JTB: variants seen among roughly 807,000 people sequenced by gnomAD.
JTB encodes the protein protein JTB.
Under a neutral mutation model 22.1 loss-of-function variants are expected in JTB, and 10 were observed. The ratio of observed to expected loss-of-function variants is 0.45; its 90% CI spans 0.28 to 0.77. The LOEUF (loss-of-function observed/expected upper bound fraction) is 0.77, where lower values mean the gene tolerates loss of function less well. Among genes scored for constraint, JTB ranks in the 30% least tolerant of loss-of-function variants. JTB has a pLI of 0.13. For missense variants in JTB, 137 were observed against 180.3 expected, an observed-to-expected ratio of 0.76 and a Z score of 1.38; for synonymous variants, 83 against 66.8, an observed-to-expected ratio of 1.24 and a Z score of -1.18.
Position 153,977,491 on chromosome 1 carries a change from C to T in JTB, c.-239G>A, listed in dbSNP as rs1648838990. On this transcript the variant is annotated 5_prime_UTR_variant, in exon 1 of 5. Coordinates refer to ENST00000271843, the MANE Select transcript of JTB (RefSeq NM_006694.4). ...AGGCGAGCGCCTTCTGCGGGGTCCG[C>T]AGGGCGCTGGAGGAAGGGCCGGCGG... is the stretch of plus-strand genomic sequence containing the variant. The T allele has an allele frequency of 1.6e-6, 2 of 1,249,638 alleles. No homozygotes were observed. The highest frequency in any genetic ancestry group is 4.1e-5 in the Admixed American group (1 of 24,580). The allele number at this position is 1,249,638 out of a possible 1,614,324, so 77.4% of individuals were successfully genotyped here.
chr1:153,976,226 G>A (rs1371042466), intron 3 of JTB, among the ~76,000 whole-genome samples: 2 of 152,344 alleles, frequency 1.3e-5, no homozygotes, highest in South Asian at 2.1e-4. Context: ...CACTTTGGGA[G>A]GCCGAGGCGG....
chr1:153,976,003 T>G, intron 3 of JTB, 98 bp from the exon 4 acceptor site: 1 of 795,244 alleles, frequency 1.3e-6, no homozygotes, highest in East Asian at 2.4e-5. Context: ...ACTGCTATGG[T>G]TTGGAGTGGT....
Position 153,974,929 on chromosome 1 carries a change from A to G in JTB, c.285-94T>C. The G allele has an allele frequency of 2.5e-6, 3 of 1,200,314 alleles. 1 individual carries two copies. The South Asian group carries it at 4.3e-5, about 17-fold the overall frequency. 74.4% of individuals were successfully genotyped at this position (1,200,314 alleles called of 1,614,324 possible). ...CTTCAGCCTAGCCAGGATACACTCAAGAGGAAATCAGAGCCAGGCTTCTAT... is the reference window on the plus strand; with the variant it reads ...CTTCAGCCTAGCCAGGATACACTCAGGAGGAAATCAGAGCCAGGCTTCTAT... On this transcript the variant is annotated intron_variant, in intron 4 of 4. Transcript: ENST00000271843.
chr1:153,974,629 ACTGT>A lies in JTB; in HGVS notation c.*46_*49del, dbSNP rs61195558. 6,302 of 1,523,798 alleles carry A rather than the reference ACTGT, an allele frequency of 4.1e-3. 247 individuals carry two copies. In the African/African-American group the frequency reaches 0.077, roughly 19 times the overall value. The allele number at this position is 1,523,798 out of a possible 1,614,324, so 94.4% of individuals were successfully genotyped here. A position where few individuals can be genotyped will look rare whatever the true frequency, so the allele number is the denominator to read the frequency against. ...GTGCAAATCAGTCCATTTCACTTTC[ACTGT>A]CTGAGATAGGGTCTCTAAGACCCAG... On this transcript the variant is annotated 3_prime_UTR_variant, in exon 5 of 5. Coordinates refer to ENST00000271843, the MANE Select transcript of JTB (RefSeq NM_006694.4).
In JTB at chr1:153,974,380, A is replaced by G. The variant is rs1648704649; in HGVS notation, c.*299T>C. On this transcript the variant is annotated 3_prime_UTR_variant, in exon 5 of 5. Transcript: ENST00000271843. ...TGAAATTGTATCCCAGAAGTTTGAA[A>G]TAAGTAGTAGAAGAGGGGGAAAACA... is the stretch of plus-strand genomic sequence containing the variant. 2.4e-6 allele frequency: 1 copy of G among 416,908 alleles called. No individual in the cohort carries two copies. Among genetic ancestry groups the G allele is most frequent in the Non-Finnish European group, 4.3e-6 (1 of 232,926 alleles). The allele number at this position is 416,908 out of a possible 1,614,324, so 25.8% of individuals were successfully genotyped here. A position where few individuals can be genotyped will look rare whatever the true frequency, so the allele number is the denominator to read the frequency against.
intron 4 of JTB, 62 bp downstream of exon 4, chr1:153,975,764 A>C: frequency 1.5e-6 from 2 of 1,312,652 alleles, no homozygotes; most frequent in East Asian, 4.6e-5. Context: ...AAAAGGTGGG[A>C]CCATCCATCT....
At chr1:153,977,054 G>C (rs766073991) in intron 1 of JTB, 41 bp from the exon 2 acceptor site, 2 of 1,614,028 alleles carry the variant, frequency 1.2e-6, no homozygotes, top group East Asian at 4.5e-5. Flanking sequence ...TCAAAACCCA[G>C]AAAATAGGGC....
chr1:153,975,148 G>A (rs1648741469), intron 4 of JTB, among the ~76,000 whole-genome samples: 1 of 152,184 alleles, frequency 6.6e-6, no homozygotes, highest in African/African-American at 2.4e-5. Flanking sequence ...TTGAGATGGT[G>A]TCTCGCTCTG....
intron 2 of JTB, 77 bp downstream of exon 2, chr1:153,976,899 T>G (rs1648809800): frequency 6.2e-7 from 1 of 1,607,496 alleles, no homozygotes. Flanking sequence ...TTTCCACCTG[T>G]GCTCTTGGTA....
chr1:153,977,392 A>G lies in JTB; in HGVS notation c.-140T>C, dbSNP rs935284725. 5.5e-6 allele frequency: 8 copies of G among 1,443,546 alleles called. No individual in the cohort carries two copies. Among genetic ancestry groups the G allele is most frequent in the South Asian group, 2.9e-5 (2 of 68,038 alleles). The allele number at this position is 1,443,546 out of a possible 1,614,324, so 89.4% of individuals were successfully genotyped here. The stretch of plus-strand genomic sequence containing the variant: ...AGGGCAGGGAAGGCCGGAGTTGCCT[A>G]TTGGAGCAGAGGATCTATCAGGACG... On this transcript the variant is annotated 5_prime_UTR_variant, in exon 1 of 5. Transcript: ENST00000271843.
Position 153,977,159 on chromosome 1 carries a change from C to A in JTB, c.83+11G>T, listed in dbSNP as rs1648819306. On this transcript the variant is annotated intron_variant, in intron 1 of 4. Coordinates refer to ENST00000271843, the MANE Select transcript of JTB (RefSeq NM_006694.4). ...GTGACCTCCTTTTCCCTCCCCTTAC[C>A]TCCTCCTTACCAGAGCTTTAAGGTG... is the stretch of plus-strand genomic sequence containing the variant. The A allele has an allele frequency of 3.7e-6, 6 of 1,614,046 alleles. No individual in the cohort carries two copies. The African/African-American group carries it at 8.0e-5, about 22-fold the overall frequency.
Position 153,974,712 on chromosome 1 carries a change from C to T in JTB, c.408G>A (p.Leu136=). The T allele has an allele frequency of 6.2e-7, 1 of 1,613,450 alleles. No individual in the cohort carries two copies. Among genetic ancestry groups the T allele is most frequent in the East Asian group, 2.2e-5 (1 of 44,856 alleles). ...IRQRQLDRKA[L]EKVRKQIESI ...ACTCGATTTGCTTCCGGACCTTTTC[C>T]AGAGCCTTTCTGTCCAATTGTCGCT... is the stretch of plus-strand genomic sequence containing the variant. Residue 136 remains leucine, a synonymous_variant, in exon 5 of 5, where the codon CTG becomes CTA. Transcript: ENST00000271843.
rs1225729742 is a variant in JTB at position 153,977,022 on chromosome 1, G to C, written c.84-9C>G. On this transcript the variant is annotated splice_polypyrimidine_tract_variant and intron_variant, in intron 1 of 4. Transcript: ENST00000271843. ...CGGGAGCCTCTGCTTGGCTGTAGCG[G>C]AGTTGGGGGAAGGGACAAAAGTCAA... The C allele has an allele frequency of 6.2e-7, 1 of 1,614,182 alleles. No individual in the cohort carries two copies. Among genetic ancestry groups the C allele is most frequent in the Admixed American group, 1.7e-5 (1 of 60,020 alleles).
At chr1:153,975,967 T>C in intron 3 of JTB, 62 bp from the exon 4 acceptor site, 1 of 1,251,796 alleles carries the variant, frequency 8.0e-7, no homozygotes, top group Non-Finnish European at 1.2e-6. Flanking sequence ...ACAAAAAGGC[T>C]GCCATTCAGA....
At position 153,977,482 on chromosome 1, in the gene JTB, C is replaced by G; in HGVS notation, c.-230G>C. ...GGGCTAGGGAGGCGAGCGCCTTCTGCGGGGTCCGCAGGGCGCTGGAGGAAG... is the reference window on the plus strand; with the variant it reads ...GGGCTAGGGAGGCGAGCGCCTTCTGGGGGGTCCGCAGGGCGCTGGAGGAAG... On this transcript the variant is annotated 5_prime_UTR_variant, in exon 1 of 5. Transcript: ENST00000271843. The G allele has an allele frequency of 4.0e-6, 5 of 1,250,910 alleles. No homozygotes were observed. Among genetic ancestry groups the G allele is most frequent in the Non-Finnish European group, 3.0e-6 (3 of 993,086 alleles). 77.5% of individuals were successfully genotyped at this position (1,250,910 alleles called of 1,614,324 possible).
Position 153,974,390 on chromosome 1 carries a change from G to A in JTB, c.*289C>T. ...TCCCAGAAGTTTGAAATAAGTAGTA[G>A]AAGAGGGGGAAAACAAGGGAGAAGT... On this transcript the variant is annotated 3_prime_UTR_variant, in exon 5 of 5. Coordinates refer to ENST00000271843, the MANE Select transcript of JTB (RefSeq NM_006694.4). 2.4e-6 allele frequency: 1 copy of A among 420,048 alleles called. No individual in the cohort carries two copies. The highest frequency in any genetic ancestry group is 3.7e-5 in the Admixed American group (1 of 26,864). 26.0% of individuals were successfully genotyped at this position (420,048 alleles called of 1,614,324 possible). A position where few individuals can be genotyped will look rare whatever the true frequency, so the allele number is the denominator to read the frequency against.
intron 3 of JTB, among the ~76,000 whole-genome samples, chr1:153,976,153 C>T (rs1648787446): frequency 6.6e-6 from 1 of 152,168 alleles, no homozygotes; most frequent in Non-Finnish European, 1.5e-5. Flanking sequence ...GCCTACTATA[C>T]TAAAAGTGAA....
At chr1:153,976,582 A>G in intron 3 of JTB, 111 bp downstream of exon 3, 2 of 895,334 alleles carry the variant, frequency 2.2e-6, no homozygotes, top group Non-Finnish European at 3.6e-6. Context: ...TGCAAGAAGA[A>G]AGAAAAAAAG....
At position 153,976,702 on chromosome 1, in the gene JTB, A is replaced by G. The variant is rs1648805578; in HGVS notation, c.195T>C (p.Asn65=). ...VVAEECSPCS[N]FRAKTTPECG... ...AGAAATAGATACTCACAGCCCGGAA[A>G]TTAGAGCATGGAGAGCACTCTTCTG... Residue 65 remains asparagine (N), a synonymous_variant, in exon 3 of 5, where the codon AAT becomes AAC. Coordinates refer to ENST00000271843, the MANE Select transcript of JTB (RefSeq NM_006694.4). 1 of 1,613,752 alleles carries G rather than the reference A, an allele frequency of 6.2e-7. No homozygotes were observed. Among genetic ancestry groups the G allele is most frequent in the African/African-American group, 1.3e-5 (1 of 74,894 alleles).
Sources: allele counts gnomAD v4.1 joint callset (sites outside exome capture counted in the v4.1 genomes callset), GRCh38; gene constraint gnomAD v4.1.1; transcripts MANE v1.5; gene names NCBI Gene and HGNC (gene_info 2026-07-23, HGNC 2026-07-21).